GPM6A: variants seen among roughly 807,000 people sequenced by gnomAD.
GPM6A encodes neuronal membrane glycoprotein M6-a.
GPM6A carries 7 observed loss-of-function variants against 32.1 expected under a neutral mutation model. That is an observed-to-expected ratio of 0.22 (90% CI 0.12 to 0.41). The LOEUF (loss-of-function observed/expected upper bound fraction) is 0.41, where lower values mean the gene tolerates loss of function less well. Ranked by LOEUF, GPM6A falls within the 10% of genes least tolerant of loss-of-function variation. The pLI, the probability that GPM6A is intolerant of heterozygous loss-of-function variation, is 1.00. For missense variants in GPM6A, 235 were observed against 347.2 expected (o/e 0.68, Z 2.57); for synonymous variants, 130 against 123.4 (o/e 1.05, Z -0.35).
At chr4:175,953,521 A>C (rs936479090) in intron 1 of GPM6A, among the ~76,000 whole-genome samples, 4 of 152,156 alleles carry the variant, frequency 2.6e-5, no homozygotes, top group Non-Finnish European at 5.9e-5. Flanking sequence ...ATTTTTAGTT[A>C]ATATAGTATT....
intron 4 of GPM6A, among the ~76,000 whole-genome samples, chr4:175,647,095 T>C (rs750507584): frequency 1.3e-5 from 2 of 152,218 alleles, no homozygotes; most frequent in Non-Finnish European, 2.9e-5. Flanking sequence ...TACTGAGAAG[T>C]GCTTTATGGA....
chr4:175,918,723 C>T (rs934982352), intron 1 of GPM6A, among the ~76,000 whole-genome samples: 1 of 152,088 alleles, frequency 6.6e-6, no homozygotes. Context: ...TTGTCAAAAA[C>T]ATGTGTTTCC....
intron 1 of GPM6A, among the ~76,000 whole-genome samples, chr4:175,776,091 A>T (rs1733382427): frequency 6.6e-6 from 1 of 152,178 alleles, no homozygotes; most frequent in Admixed American, 6.5e-5. Context: ...AAGAACTTGA[A>T]ACCAGATTTT....
intron 1 of GPM6A, among the ~76,000 whole-genome samples, chr4:175,949,915 G>A (rs184174012): frequency 3.3e-5 from 5 of 152,250 alleles, no homozygotes; most frequent in African/African-American, 1.2e-4. Context: ...AGCCTTATGA[G>A]TTCTCACCAC....
rs983513766 is a variant in GPM6A, at chr4:175,759,296, A to C, written c.37+52895T>G. The stretch of plus-strand genomic sequence containing the variant: ...CAAACTAAACAGGGGTTTGAGGAAT[A>C]CGGGGGGGGCAAGAGAAAATAGTGA... On this transcript the variant is annotated intron_variant, in intron 1 of 6. Coordinates refer to ENST00000393658, the MANE Select transcript of GPM6A (RefSeq NM_201591.3). Among the ~76,000 whole-genome samples, 15 of 150,852 alleles carry C rather than the reference A, an allele frequency of 9.9e-5. 1 individual carries two copies. The highest frequency in any genetic ancestry group is 9.9e-4 in the Admixed American group (15 of 15,186).
chr4:175,784,714 AGT>A (rs1365899348), intron 1 of GPM6A, among the ~76,000 whole-genome samples: 1 of 151,812 alleles, frequency 6.6e-6, no homozygotes, highest in African/African-American at 2.4e-5. Context: ...AAATATGCTA[AGT>A]GTGTGTGTGT....
chr4:175,995,082 A>G (rs931594744), intron 1 of GPM6A, among the ~76,000 whole-genome samples: 4 of 152,108 alleles, frequency 2.6e-5, no homozygotes, highest in African/African-American at 9.7e-5. Context: ...TGCTATTTCT[A>G]CCACATCTGC....
At chr4:175,874,174 G>A (rs990694895) in intron 1 of GPM6A, among the ~76,000 whole-genome samples, 1 of 152,132 alleles carries the variant, frequency 6.6e-6, no homozygotes, top group African/African-American at 2.4e-5. Context: ...ACATCTTCAT[G>A]TTCCGCAGGT....
chr4:175,800,800 A>G (rs1195410005), intron 1 of GPM6A: 1 of 197,138 alleles, frequency 5.1e-6, no homozygotes, highest in African/African-American at 2.4e-5. Context: ...AACTCATCCT[A>G]GAGGATCTAA....
chr4:175,663,306 G>A (rs79490212), intron 3 of GPM6A, among the ~76,000 whole-genome samples: 108 of 152,300 alleles, frequency 7.1e-4, no homozygotes, highest in African/African-American at 2.5e-3. Flanking sequence ...TTCTCAGTAG[G>A]TGAATGGATA....
intron 1 of GPM6A, among the ~76,000 whole-genome samples, chr4:175,913,668 A>G (rs909885773): frequency 1.3e-5 from 2 of 152,172 alleles, no homozygotes; most frequent in African/African-American, 4.8e-5. Flanking sequence ...AGATTCTTGC[A>G]CGAGCTGTTG....
chr4:175,688,463 G>T (rs190347697), intron 2 of GPM6A, among the ~76,000 whole-genome samples: 2 of 152,084 alleles, frequency 1.3e-5, no homozygotes, highest in East Asian at 1.9e-4. Context: ...CTACCTATTT[G>T]TCATTGTGTC....
intron 2 of GPM6A, among the ~76,000 whole-genome samples, chr4:175,692,487 T>C (rs1744352866): frequency 6.6e-6 from 1 of 152,162 alleles, no homozygotes; most frequent in Admixed American, 6.5e-5. Context: ...GCTATTAAGC[T>C]TTTGTAGTTT....
chr4:175,857,625 C>T (rs1054070760), intron 1 of GPM6A, among the ~76,000 whole-genome samples: 1 of 151,988 alleles, frequency 6.6e-6, no homozygotes, highest in Non-Finnish European at 1.5e-5. Flanking sequence ...TTCCGTAATA[C>T]TTTCAGGAAA....
chr4:175,703,862 A>G (rs1475624808), intron 1 of GPM6A, among the ~76,000 whole-genome samples: 2 of 152,130 alleles, frequency 1.3e-5, no homozygotes, highest in Non-Finnish European at 2.9e-5. Context: ...CACCCCTCAG[A>G]TACACACACA....
intron 6 of GPM6A, among the ~76,000 whole-genome samples, chr4:175,637,376 A>ATATT (rs1560842203): frequency 1.8e-4 from 16 of 91,322 alleles, no homozygotes; most frequent in Non-Finnish European, 3.1e-4. Context: ...CATATAATAT[A>ATATT]TTATATAATA....
At chr4:175,641,319 C>A (rs774157294) in intron 4 of GPM6A, 17 of 155,602 alleles carry the variant, frequency 1.1e-4, no homozygotes, top group Admixed American at 1.1e-3. Flanking sequence ...GTTGCCATTT[C>A]GCTTCTATTT....
At chr4:175,742,589 G>A (rs1005422636) in intron 1 of GPM6A, among the ~76,000 whole-genome samples, 14 of 152,104 alleles carry the variant, frequency 9.2e-5, no homozygotes, top group African/African-American at 3.1e-4. Flanking sequence ...GACATTTAGA[G>A]TCATGTACAT....
intron 1 of GPM6A, among the ~76,000 whole-genome samples, chr4:175,929,754 T>A (rs1404795465): frequency 6.6e-6 from 1 of 152,172 alleles, no homozygotes; most frequent in Non-Finnish European, 1.5e-5. Flanking sequence ...ACTCCTAACA[T>A]GTTGATGCTT....
Sources: gnomAD v4.1 joint callset for allele counts (sites outside exome capture counted in the v4.1 genomes callset) on GRCh38, gnomAD v4.1.1 for gene constraint, MANE v1.5 for transcripts, NCBI Gene and HGNC (gene_info 2026-07-23, HGNC 2026-07-21) for gene names.